Variants in ALK observed in about 807,000 individuals in gnomAD.
ALK encodes the protein ALK tyrosine kinase receptor.
Under a neutral mutation model 163.1 loss-of-function variants are expected in ALK, and 74 were observed. That is an observed-to-expected ratio of 0.45 (90% CI 0.38 to 0.55). The LOEUF is 0.55. Among genes scored for constraint, ALK ranks in the 20% least tolerant of loss-of-function variants. The probability of loss-of-function intolerance (pLI) is 0.00; values close to 1 mark genes in which losing one functional copy is unlikely to be tolerated. For missense variants in ALK, 2,063 were observed against 2,105.3 expected, an observed-to-expected ratio of 0.98 and a Z score of 0.39; for synonymous variants, 960 against 843.2, an observed-to-expected ratio of 1.14 and a Z score of -2.40.
At chr2:29,813,637 G>A (rs1380656769) in intron 1 of ALK, among the ~76,000 whole-genome samples, 1 of 152,112 alleles carries the variant, frequency 6.6e-6, no homozygotes, top group Non-Finnish European at 1.5e-5. Context: ...TAAAATGAGA[G>A]GCCCTGCCTT....
chr2:29,609,644 ATTT>A (rs35942433), intron 3 of ALK, among the ~76,000 whole-genome samples: 2 of 144,136 alleles, frequency 1.4e-5, no homozygotes, highest in Admixed American at 6.9e-5. Flanking sequence ...ACATATTTAC[ATTT>A]TTTTTTTTTT....
chr2:29,313,340 C>T (rs1365382079), intron 8 of ALK, among the ~76,000 whole-genome samples: 1 of 152,128 alleles, frequency 6.6e-6, no homozygotes, highest in Non-Finnish European at 1.5e-5. Context: ...AGAATGAGGC[C>T]CACCCAATGA....
At chr2:29,769,196 T>C (rs1680948741) in intron 1 of ALK, among the ~76,000 whole-genome samples, 2 of 152,216 alleles carry the variant, frequency 1.3e-5, no homozygotes, top group African/African-American at 2.4e-5. Context: ...GTATTACTTT[T>C]GAAATTATGA....
intron 3 of ALK, among the ~76,000 whole-genome samples, chr2:29,622,912 G>T (rs1012236093): frequency 6.6e-6 from 1 of 152,148 alleles, no homozygotes; most frequent in Non-Finnish European, 1.5e-5. Context: ...GATTAGAATT[G>T]TTCATTTGGT....
intron 4 of ALK, among the ~76,000 whole-genome samples, chr2:29,519,534 A>G (rs1215602251): frequency 1.3e-5 from 2 of 152,304 alleles, no homozygotes; most frequent in South Asian, 2.1e-4. Flanking sequence ...TTTGCCAACA[A>G]CCACATTTTC....
At chr2:29,672,396 A>G (rs1677728608) in intron 3 of ALK, among the ~76,000 whole-genome samples, 1 of 146,964 alleles carries the variant, frequency 6.8e-6, no homozygotes, top group African/African-American at 2.5e-5. Context: ...CTCATTGTTC[A>G]ATTCCCACCT....
intron 8 of ALK, among the ~76,000 whole-genome samples, chr2:29,302,601 C>T (rs1666402779): frequency 6.6e-6 from 1 of 152,182 alleles, no homozygotes; most frequent in Non-Finnish European, 1.5e-5. Flanking sequence ...CAACTACAGC[C>T]ACAACTCAAG....
chr2:29,626,344 G>A (rs759035060), intron 3 of ALK, among the ~76,000 whole-genome samples: 9 of 152,088 alleles, frequency 5.9e-5, no homozygotes, highest in South Asian at 2.1e-4. Flanking sequence ...TATTGTTCTC[G>A]TGGTAGTGAA....
chr2:29,339,856 T>G (rs2148269443), intron 5 of ALK, among the ~76,000 whole-genome samples: 1 of 152,304 alleles, frequency 6.6e-6, no homozygotes, highest in Non-Finnish European at 1.5e-5. Context: ...TTCCAAATCC[T>G]AGGACAAAGT....
intron 3 of ALK, among the ~76,000 whole-genome samples, chr2:29,656,662 G>A (rs1376724994): frequency 6.6e-6 from 1 of 152,142 alleles, no homozygotes; most frequent in Non-Finnish European, 1.5e-5. Context: ...GAAGTTAGAT[G>A]TCCTGTTCAC....
At chr2:29,324,145 G>T (rs79877195) in intron 6 of ALK, among the ~76,000 whole-genome samples, 1 of 152,118 alleles carries the variant, frequency 6.6e-6, no homozygotes, top group South Asian at 2.1e-4. Flanking sequence ...GCCAAATCGC[G>T]CTGTGGGTAG....
chr2:29,207,940 G>A (rs910666121), intron 25 of ALK: 3 of 407,736 alleles, frequency 7.4e-6, no homozygotes, highest in South Asian at 5.1e-5. Context: ...CTAGCCTGGT[G>A]TTCTCCTGTG....
chr2:29,315,215 A>G (rs1049784587), intron 8 of ALK, among the ~76,000 whole-genome samples: 1 of 151,950 alleles, frequency 6.6e-6, no homozygotes, highest in Non-Finnish European at 1.5e-5. Flanking sequence ...GTGCAGAGAG[A>G]TAGGAGGCAG....
At chr2:29,918,300 A>T (rs1667890449) in intron 1 of ALK, among the ~76,000 whole-genome samples, 4 of 152,266 alleles carry the variant, frequency 2.6e-5, no homozygotes, top group African/African-American at 9.6e-5. Context: ...GCTCAGAGGC[A>T]TGAAACTAGA....
In ALK at chr2:29,523,416, G is replaced by A. The variant is rs140272894; in HGVS notation, c.1154+8499C>T. Among the ~76,000 whole-genome samples, 232 of 152,280 alleles carry A rather than the reference G, an allele frequency of 1.5e-3. 1 individual carries two copies. In the East Asian group the frequency reaches 0.017, roughly 11 times the overall value. On this transcript the variant is annotated intron_variant, in intron 4 of 28. Coordinates refer to ENST00000389048, the MANE Select transcript of ALK (RefSeq NM_004304.5). ...AAACCTTGTTCTGAGCCCCTGGAAG[G>A]CTGAATGAGCTTCCAGAGTCCAACC... is the stretch of plus-strand genomic sequence containing the variant.
rs1378366886 is a variant in ALK, at chr2:29,840,130, T to C, written c.667+79863A>G. 2.0e-5 allele frequency among the ~76,000 whole-genome samples: 3 copies of C among 152,330 alleles called. No individual in the cohort carries two copies. The South Asian group carries it at 6.2e-4, about 32-fold the overall frequency. ...GCCTCCTTGACATATATGTCTCATATATCCTAAAACAAACAAAAACAAACC... is the reference window on the plus strand; with the variant it reads ...GCCTCCTTGACATATATGTCTCATACATCCTAAAACAAACAAAAACAAACC... On this transcript the variant is annotated intron_variant, in intron 1 of 28. Coordinates refer to ENST00000389048, the MANE Select transcript of ALK (RefSeq NM_004304.5).
intron 5 of ALK, among the ~76,000 whole-genome samples, chr2:29,342,819 G>T (rs1328588739): frequency 2.0e-5 from 3 of 151,344 alleles, no homozygotes; most frequent in Non-Finnish European, 4.4e-5. Flanking sequence ...TGGAACTACA[G>T]TGCCCTGGCA....
intron 6 of ALK, among the ~76,000 whole-genome samples, chr2:29,322,699 T>G (rs1276662488): frequency 6.6e-6 from 1 of 152,158 alleles, no homozygotes; most frequent in Non-Finnish European, 1.5e-5. Context: ...CCGGGTCTGG[T>G]GGTGGGTGCC....
At chr2:29,617,893 C>T (rs892781376) in intron 3 of ALK, among the ~76,000 whole-genome samples, 1 of 152,178 alleles carries the variant, frequency 6.6e-6, no homozygotes, top group Non-Finnish European at 1.5e-5. Flanking sequence ...AAATTTTCTA[C>T]CTAGTTCCTG....
Sources: gnomAD v4.1 joint callset for allele counts (sites outside exome capture counted in the v4.1 genomes callset) on GRCh38, gnomAD v4.1.1 for gene constraint, MANE v1.5 for transcripts, NCBI Gene and HGNC (gene_info 2026-07-23, HGNC 2026-07-21) for gene names.